The following SNAP47 variants were observed in gnomAD, a reference collection of about 807,000 sequenced individuals.
SNAP47 encodes synaptosomal-associated protein 47.
A neutral mutation model predicts 31.4 loss-of-function variants in SNAP47; 20 were observed. The observed-to-expected ratio is 0.64, with a 90% CI of 0.45 to 0.93. SNAP47 has a LOEUF of 0.93. Among genes scored for constraint, SNAP47 ranks in the 40% least tolerant of loss-of-function variants. The pLI is 0.00. For missense variants in SNAP47, 492 were observed against 528.5 expected (o/e 0.93, Z 0.68); for synonymous variants, 194 against 213.4 (o/e 0.91, Z 0.79).
chr1:227,744,662 A>G (rs1661838285), intron 1 of SNAP47, among the ~76,000 whole-genome samples: 1 of 151,922 alleles, frequency 6.6e-6, no homozygotes, highest in Non-Finnish European at 1.5e-5. Flanking sequence ...GATACTAAAA[A>G]CAGAGAGACC....
intron 2 of SNAP47, among the ~76,000 whole-genome samples, chr1:227,748,899 GCTTTT>G (rs898163291): frequency 1.8e-4 from 28 of 152,218 alleles, no homozygotes; most frequent in African/African-American, 6.8e-4. Flanking sequence ...GTTTAAGAAT[GCTTTT>G]CTTTTTCCAA....
At chr1:227,764,339 G>C (rs1248889291) in intron 3 of SNAP47, among the ~76,000 whole-genome samples, 1 of 152,224 alleles carries the variant, frequency 6.6e-6, no homozygotes, top group Non-Finnish European at 1.5e-5. Flanking sequence ...TAAGAATTCT[G>C]TCCAGCCTTC....
intron 2 of SNAP47, among the ~76,000 whole-genome samples, chr1:227,748,938 C>T (rs1351187512): frequency 6.6e-6 from 1 of 152,110 alleles, no homozygotes. Flanking sequence ...TTTCTGAGTC[C>T]TGCTATCTTC....
chr1:227,758,928 A>C (rs544404596), intron 2 of SNAP47, 67 bp from the exon 3 acceptor site: 411 of 1,414,856 alleles, frequency 2.9e-4, no homozygotes, highest in Middle Eastern at 2.3e-3. Context: ...ACCGTTTTCC[A>C]AAAAAAAAGG....
chr1:227,731,261 T>C (rs990589598), upstream of SNAP47: 3 of 152,290 alleles, frequency 2.0e-5, no homozygotes, highest in African/African-American at 7.2e-5. Context: ...TTGCAAGCAC[T>C]TCACATGATT....
Position 227,759,300 on chromosome 1 carries a change from T to C in SNAP47, c.803T>C (p.Ile268Thr), listed in dbSNP as rs1310899544. Reference sequence around the variant, plus strand: ...GTCCACTCACCTTACGAAATTAGCATCCGCCAGCGGTTTATTGGAAAGCCA... The same window carrying C: ...GTCCACTCACCTTACGAAATTAGCACCCGCCAGCGGTTTATTGGAAAGCCA... ...IKVHSPYEISIRQRFIGKPDM... is the reference protein window; with the variant it reads ...IKVHSPYEISTRQRFIGKPDM... Residue 268 changes from isoleucine (I) to threonine (T), a missense_variant, in exon 3 of 5, where the codon ATC becomes ACC. By Grantham distance (89) the Ile-to-Thr change is moderately conservative. Coordinates refer to ENST00000617596, the MANE Select transcript of SNAP47 (RefSeq NM_053052.4). 6.2e-7 allele frequency: 1 copy of C among 1,614,220 alleles called. No individual in the cohort carries two copies. Among genetic ancestry groups the C allele is most frequent in the African/African-American group, 1.3e-5 (1 of 75,058 alleles).
At chr1:227,733,648 G>A (rs1415541467), upstream of SNAP47, 3 of 1,602,892 alleles carry the variant, frequency 1.9e-6, no homozygotes, top group Admixed American at 5.0e-5. Flanking sequence ...CAGACCAGCT[G>A]AAGGAGCGGA....
In SNAP47 at chr1:227,747,920, C is replaced by T. The variant is rs770833379; in HGVS notation, c.184C>T (p.His62Tyr). ...SIVEIKKEAS[H>Y]FIFSSITILE... ...AGTTGAGATCAAGAAGGAGGCTTCA[C>T]ATTTTATCTTCAGCTCCATCACCAT... Residue 62 changes from histidine to tyrosine, a missense_variant, in exon 2 of 5, where the codon CAT becomes TAT. Physicochemically the swap from His to Tyr is moderately conservative, Grantham distance 83. Transcript: ENST00000617596. The T allele has an allele frequency of 6.8e-6, 11 of 1,614,120 alleles. No homozygotes were observed. In the Admixed American group the frequency reaches 1.8e-4, roughly 27 times the overall value.
chr1:227,747,368 A>T (rs760184749), intron 1 of SNAP47, among the ~76,000 whole-genome samples: 1 of 152,104 alleles, frequency 6.6e-6, no homozygotes, highest in Non-Finnish European at 1.5e-5. Flanking sequence ...GTGGACACTG[A>T]TCCAAGCAGG....
At chr1:227,777,446 T>C (rs1664229649) in intron 4 of SNAP47, among the ~76,000 whole-genome samples, 1 of 152,170 alleles carries the variant, frequency 6.6e-6, no homozygotes, top group African/African-American at 2.4e-5. Context: ...TGGACGGGCT[T>C]CATGCCTCCC....
At chr1:227,734,070 G>A (rs1227310084), upstream of SNAP47, 12 of 1,599,114 alleles carry the variant, frequency 7.5e-6, no homozygotes, top group Admixed American at 6.8e-5. Flanking sequence ...GACAGCACGT[G>A]AGGCACGAGG....
intron 1 of SNAP47, among the ~76,000 whole-genome samples, chr1:227,740,162 G>A (rs1034330325): frequency 1.3e-5 from 2 of 152,230 alleles, no homozygotes; most frequent in African/African-American, 4.8e-5. Flanking sequence ...AGGAAGGCGA[G>A]GAAGCCCTCC....
upstream of SNAP47, chr1:227,734,079 G>C (rs749233100): frequency 5.3e-5 from 84 of 1,594,490 alleles, no homozygotes; most frequent in South Asian, 7.6e-4. Context: ...TGAGGCACGA[G>C]GAGACTAGGG....
At chr1:227,738,438 T>TC (rs1193370980) in intron 1 of SNAP47, among the ~76,000 whole-genome samples, 1 of 152,058 alleles carries the variant, frequency 6.6e-6, no homozygotes, top group Non-Finnish European at 1.5e-5. Flanking sequence ...TCCACTCTTC[T>TC]CTCCCCCCAG....
chr1:227,733,462 G>A (rs768156108), upstream of SNAP47: 17 of 1,589,652 alleles, frequency 1.1e-5, no homozygotes, highest in South Asian at 3.4e-5. Context: ...ACACCATCTC[G>A]CCCGCTTCCT....
chr1:227,775,146 C>T (rs766824961), intron 4 of SNAP47, among the ~76,000 whole-genome samples: 1 of 152,238 alleles, frequency 6.6e-6, no homozygotes, highest in East Asian at 1.9e-4. Context: ...GGGACTTGGG[C>T]GGGCCGCAGG....
At chr1:227,728,658 T>G (rs1280235724) in exon 1 of SNAP47, 1 of 142,254 alleles carries the variant, frequency 7.0e-6, no homozygotes, top group African/African-American at 2.6e-5. Context: ...ACCAAAGTCA[T>G]GAGGGCAAGG....
At chr1:227,735,259 C>A, upstream of SNAP47, 1 of 1,604,146 alleles carries the variant, frequency 6.2e-7, no homozygotes, top group Non-Finnish European at 8.5e-7. Context: ...CGAGGGCGCG[C>A]GTCTCGCGGT....
At chr1:227,777,109 T>TTAA (rs111409186) in intron 4 of SNAP47, 57 of 836,172 alleles carry the variant, frequency 6.8e-5, no homozygotes, top group Non-Finnish European at 7.5e-5. Flanking sequence ...ATGTCTTTTT[T>TTAA]AAAAAAAAAA....
Sources: allele counts gnomAD v4.1 joint callset (sites outside exome capture counted in the v4.1 genomes callset), GRCh38; gene constraint gnomAD v4.1.1; transcripts MANE v1.5; gene names NCBI Gene and HGNC (gene_info 2026-07-23, HGNC 2026-07-21).